Variants in TRAPPC10 observed in about 807,000 individuals in gnomAD.
TRAPPC10 encodes TRAPP 130 kDa subunit.
Under a neutral mutation model 125.5 loss-of-function variants are expected in TRAPPC10, and 23 were observed. The observed-to-expected ratio is 0.18, with a 90% CI of 0.13 to 0.26. TRAPPC10 has a LOEUF of 0.26. Ranked by LOEUF, TRAPPC10 falls within the 10% of genes least tolerant of loss-of-function variation. The pLI is 1.00. For synonymous variants in TRAPPC10, 509 were observed against 518.0 expected, an observed-to-expected ratio of 0.98 and a Z score of 0.24; for missense variants, 1,123 against 1,308.4, an observed-to-expected ratio of 0.86 and a Z score of 2.19.
At chr21:44,081,458 C>T (rs557761698) in intron 13 of TRAPPC10, among the ~76,000 whole-genome samples, 36 of 152,242 alleles carry the variant, frequency 2.4e-4, no homozygotes, top group Non-Finnish European at 4.6e-4. Context: ...CATGCCTGGC[C>T]ACCACAGTCA....
intron 7 of TRAPPC10, among the ~76,000 whole-genome samples, chr21:44,071,207 C>A (rs565259574): frequency 4.8e-4 from 73 of 152,272 alleles, no homozygotes; most frequent in African/African-American, 1.7e-3. Context: ...AAGTCAGGAG[C>A]CGGGTGCCTC....
At chr21:44,093,461 G>C (rs1410795266) in intron 19 of TRAPPC10, among the ~76,000 whole-genome samples, 1 of 133,928 alleles carries the variant, frequency 7.5e-6, no homozygotes, top group East Asian at 2.3e-4. Context: ...CTCTAAAAAA[G>C]GGAAAAAAAA....
At chr21:44,084,004 G>A in intron 14 of TRAPPC10, 118 bp from the exon 15 acceptor site, 1 of 1,180,802 alleles carries the variant, frequency 8.5e-7, no homozygotes, top group Admixed American at 2.3e-5. Flanking sequence ...GGGGGTACAA[G>A]AGGGAAAGAA....
chr21:44,050,713 G>A (rs1311711103), intron 3 of TRAPPC10, among the ~76,000 whole-genome samples: 1 of 152,182 alleles, frequency 6.6e-6, no homozygotes, highest in East Asian at 1.9e-4. Context: ...TTTATTTGCA[G>A]GAAATTGAGT....
At chr21:44,079,854 C>G in intron 12 of TRAPPC10, 150 bp downstream of exon 12, 2 of 1,079,170 alleles carry the variant, frequency 1.9e-6, no homozygotes, top group African/African-American at 1.6e-5. Context: ...AATGAAATGT[C>G]TAGTCGATTT....
At position 44,083,170 on chromosome 21, in the gene TRAPPC10, C is replaced by T; in HGVS notation, c.2106C>T (p.Leu702=). 1 of 1,614,222 alleles carries T rather than the reference C, an allele frequency of 6.2e-7. No individual in the cohort carries two copies. The highest frequency in any genetic ancestry group is 8.5e-7 in the Non-Finnish European group (1 of 1,180,050). The stretch of plus-strand genomic sequence containing the variant: ...TTATCTGCAGAAACGTCCACATGCT[C>T]CTGAGAAGGCAGGAGAGCAGCTCCT... The part of the protein sequence containing the change: ...TGIICRNVHM[L]LRRQESSSSL... The change falls in exon 14 of 23, where the codon CTC becomes CTT. Residue 702 remains leucine (L), a synonymous_variant. Coordinates refer to ENST00000291574, the MANE Select transcript of TRAPPC10 (RefSeq NM_003274.5).
chr21:44,075,394 C>G (rs947668426), intron 9 of TRAPPC10, among the ~76,000 whole-genome samples: 15 of 152,154 alleles, frequency 9.9e-5, no homozygotes, highest in African/African-American at 3.6e-4. Context: ...CTGAGTTTCT[C>G]CTGGGCTTAA....
chr21:44,054,806 A>G (rs1190688606), intron 4 of TRAPPC10, among the ~76,000 whole-genome samples: 1 of 152,192 alleles, frequency 6.6e-6, no homozygotes. Flanking sequence ...ATAGAGGTCC[A>G]GAGAAGGGGA....
intron 3 of TRAPPC10, among the ~76,000 whole-genome samples, chr21:44,043,674 C>T (rs974259622): frequency 1.3e-5 from 2 of 152,128 alleles, no homozygotes; most frequent in African/African-American, 4.8e-5. Flanking sequence ...AGTGACTTTC[C>T]CTTGTTGAAA....
At chr21:44,076,333 T>C (rs1336386953) in intron 9 of TRAPPC10, among the ~76,000 whole-genome samples, 2 of 152,216 alleles carry the variant, frequency 1.3e-5, no homozygotes, top group Non-Finnish European at 1.5e-5. Flanking sequence ...GTTCTAAAGA[T>C]CAGAGAAAAA....
At position 44,092,003 on chromosome 21, in the gene TRAPPC10, A is replaced by G. The variant is rs772120179; in HGVS notation, c.2951A>G (p.Asp984Gly). Residue 984 changes from aspartate (D) to glycine (G), a missense_variant, in exon 19 of 23, where the codon GAT becomes GGT. This residue lies in a region of TRAPPC10 where 840 missense variants were observed against 902.0 expected (regional missense o/e 0.93). Coordinates refer to ENST00000291574, the MANE Select transcript of TRAPPC10 (RefSeq NM_003274.5). Reference protein sequence around the residue: ...LSDSYLVDTGDSTDLQLVPLN... With the variant: ...LSDSYLVDTGGSTDLQLVPLN... Reference sequence around the variant, plus strand: ...GATAGTTATCTTGTAGATACCGGTGATAGTACCGACCTGCAACTAGTACCA... The same window carrying G: ...GATAGTTATCTTGTAGATACCGGTGGTAGTACCGACCTGCAACTAGTACCA... 2.5e-6 allele frequency: 4 copies of G among 1,614,154 alleles called. No homozygotes were observed. Among genetic ancestry groups the G allele is most frequent in the Non-Finnish European group, 3.4e-6 (4 of 1,180,022 alleles).
intron 1 of TRAPPC10, among the ~76,000 whole-genome samples, chr21:44,013,753 C>T (rs1271403464): frequency 6.6e-6 from 1 of 152,066 alleles, no homozygotes; most frequent in African/African-American, 2.4e-5. Flanking sequence ...GAGACCTAGA[C>T]GAGATGATAG....
chr21:44,023,394 C>T (rs932560914), intron 1 of TRAPPC10, among the ~76,000 whole-genome samples: 11 of 151,990 alleles, frequency 7.2e-5, no homozygotes, highest in African/African-American at 2.7e-4. Flanking sequence ...GATCGGTTGG[C>T]GTGTTTTTGT....
At chr21:44,040,502 AT>A (rs1477894409) in intron 3 of TRAPPC10, among the ~76,000 whole-genome samples, 2 of 151,706 alleles carry the variant, frequency 1.3e-5, no homozygotes, top group Non-Finnish European at 2.9e-5. Context: ...CGCCCAGCTA[AT>A]TTTTTTGTAT....
chr21:44,048,279 C>T (rs1438633919), intron 3 of TRAPPC10, among the ~76,000 whole-genome samples: 1 of 152,176 alleles, frequency 6.6e-6, no homozygotes, highest in African/African-American at 2.4e-5. Flanking sequence ...GGCCTGGGCT[C>T]TGTGTCCTCA....
At chr21:44,073,692 G>A (rs566172389) in intron 7 of TRAPPC10, among the ~76,000 whole-genome samples, 1 of 152,164 alleles carries the variant, frequency 6.6e-6, no homozygotes, top group South Asian at 2.1e-4. Context: ...TTCAAATACA[G>A]ACATTGGGTT....
intron 7 of TRAPPC10, among the ~76,000 whole-genome samples, chr21:44,072,700 G>A (rs2146003464): frequency 6.6e-6 from 1 of 152,294 alleles, no homozygotes; most frequent in East Asian, 1.9e-4. Flanking sequence ...CTGACCTCAG[G>A]TGATCTGCCC....
chr21:44,028,122 T>A (rs573078371), intron 1 of TRAPPC10, among the ~76,000 whole-genome samples: 158 of 152,316 alleles, frequency 1.0e-3, no homozygotes, highest in African/African-American at 3.6e-3. Flanking sequence ...GCTTTGAACA[T>A]AAAAGGTTTT....
intron 4 of TRAPPC10, among the ~76,000 whole-genome samples, chr21:44,054,455 T>C (rs1010915320): frequency 6.6e-6 from 1 of 152,244 alleles, no homozygotes; most frequent in African/African-American, 2.4e-5. Flanking sequence ...TTTGCTACTT[T>C]TTGGTAATTC....
Sources: allele counts gnomAD v4.1 joint callset (sites outside exome capture counted in the v4.1 genomes callset), GRCh38; gene constraint gnomAD v4.1.1; regional missense constraint gnomAD v4.1.1; transcripts MANE v1.5; gene names NCBI Gene and HGNC (gene_info 2026-07-23, HGNC 2026-07-21).